CSMD1: variants seen among roughly 807,000 people sequenced by gnomAD.
The protein encoded by CSMD1 is CUB and sushi domain-containing protein 1.
Under a neutral mutation model 417.5 loss-of-function variants are expected in CSMD1, and 213 were observed. The ratio of observed to expected loss-of-function variants is 0.51; its 90% CI spans 0.46 to 0.57. The LOEUF (loss-of-function observed/expected upper bound fraction) is 0.57, where lower values mean the gene tolerates loss of function less well. Among genes scored for constraint, CSMD1 ranks in the 20% least tolerant of loss-of-function variants. The probability of loss-of-function intolerance (pLI) is 0.00; values close to 1 mark genes in which losing one functional copy is unlikely to be tolerated. For missense variants in CSMD1, 6,923 were observed against 4,529.7 expected (o/e 1.53, Z -15.17); for synonymous variants, 2,862 against 1,736.8 (o/e 1.65, Z -16.11).
chr8:3,594,875 C>T (rs1387558824), intron 8 of CSMD1, among the ~76,000 whole-genome samples: 1 of 152,112 alleles, frequency 6.6e-6, no homozygotes, highest in Non-Finnish European at 1.5e-5. Flanking sequence ...CTTCTGAGAG[C>T]CCTGCAATAA....
chr8:4,042,306 G>T (rs1039590831), intron 3 of CSMD1, among the ~76,000 whole-genome samples: 1 of 152,122 alleles, frequency 6.6e-6, no homozygotes, highest in Admixed American at 6.6e-5. Flanking sequence ...TAGGAGTAAT[G>T]TTCTGTGTAG....
intron 3 of CSMD1, among the ~76,000 whole-genome samples, chr8:4,062,348 G>C (rs17068827): frequency 0.15 from 22,441 of 151,910 alleles, 2,070 homozygotes; most frequent in African/African-American, 0.24. Flanking sequence ...AGTGGCAGAA[G>C]AATTTTCATT....
intron 1 of CSMD1, among the ~76,000 whole-genome samples, chr8:4,899,583 A>G (rs1246625036): frequency 6.6e-6 from 1 of 152,186 alleles, no homozygotes; most frequent in African/African-American, 2.4e-5. Flanking sequence ...ACTGAAAGTC[A>G]ATATTTTTTC....
In CSMD1 at chr8:4,994,472, G is replaced by T. The variant is rs552889986; in HGVS notation, c.-56C>A. The T allele has an allele frequency of 1.3e-6, 2 of 1,495,424 alleles. No individual in the cohort carries two copies. Among genetic ancestry groups the T allele is most frequent in the Non-Finnish European group, 1.8e-6 (2 of 1,084,406 alleles). 92.6% of individuals were successfully genotyped at this position (1,495,424 alleles called of 1,614,324 possible). On this transcript the variant is annotated 5_prime_UTR_variant, in exon 1 of 70. Transcript: ENST00000635120. ...CGATGGCTCCTCCGAGGAAGGCAGGGCTATGAGCGGAGCCAAATAATCACC... is the reference window on the plus strand; with the variant it reads ...CGATGGCTCCTCCGAGGAAGGCAGGTCTATGAGCGGAGCCAAATAATCACC...
At chr8:4,317,891 T>C (rs1166455771) in intron 3 of CSMD1, among the ~76,000 whole-genome samples, 1 of 152,188 alleles carries the variant, frequency 6.6e-6, no homozygotes, top group African/African-American at 2.4e-5. Context: ...GTTCTGTCTT[T>C]CAGATGTGTT....
chr8:4,872,852 C>A (rs1053844186), intron 1 of CSMD1, among the ~76,000 whole-genome samples: 3 of 152,062 alleles, frequency 2.0e-5, no homozygotes, highest in African/African-American at 7.3e-5. Context: ...TGAACACTTG[C>A]TGGATATTGG....
At position 4,453,577 on chromosome 8, in the gene CSMD1, G is replaced by T. The variant is rs142134110; in HGVS notation, c.303-33512C>A. ...TTGGGCCACATGACTGGCTTATATC[G>T]CTTGAACAATTGAACTGCTGTGAAT... On this transcript the variant is annotated intron_variant, in intron 2 of 69. Transcript: ENST00000635120. Among the ~76,000 whole-genome samples the T allele has an allele frequency of 1.6e-4, 25 of 152,152 alleles. No homozygotes were observed. In the East Asian group the frequency reaches 4.4e-3, roughly 27 times the overall value.
intron 1 of CSMD1, among the ~76,000 whole-genome samples, chr8:4,778,022 C>G (rs1257031094): frequency 6.6e-6 from 1 of 152,140 alleles, no homozygotes; most frequent in Non-Finnish European, 1.5e-5. Flanking sequence ...TATTCCCGTT[C>G]TAGATGGTAG....
At chr8:4,759,261 C>G (rs537856449) in intron 1 of CSMD1, among the ~76,000 whole-genome samples, 2 of 152,108 alleles carry the variant, frequency 1.3e-5, no homozygotes, top group African/African-American at 4.8e-5. Context: ...TGACTGCCCT[C>G]AGGAAGGATG....
chr8:4,817,114 T>C (rs1016056595), intron 1 of CSMD1, among the ~76,000 whole-genome samples: 4 of 152,028 alleles, frequency 2.6e-5, no homozygotes, highest in Non-Finnish European at 5.9e-5. Flanking sequence ...TGCCTCCATG[T>C]ATCTGTATAT....
chr8:4,637,224 G>T, intron 2 of CSMD1, 118 bp downstream of exon 2: 1 of 826,330 alleles, frequency 1.2e-6, no homozygotes, highest in Non-Finnish European at 1.9e-6. Context: ...GCGAGGCCAC[G>T]AACCCACCGG....
intron 3 of CSMD1, among the ~76,000 whole-genome samples, chr8:4,341,884 C>T (rs142333052): frequency 2.6e-5 from 4 of 152,072 alleles, no homozygotes; most frequent in Non-Finnish European, 5.9e-5. Flanking sequence ...ACCTTCCACA[C>T]CACTAACTTT....
At chr8:4,403,844 AT>A (rs1804826179) in intron 3 of CSMD1, among the ~76,000 whole-genome samples, 1 of 152,072 alleles carries the variant, frequency 6.6e-6, no homozygotes, top group Non-Finnish European at 1.5e-5. Context: ...TGGGTGTCTG[AT>A]TGGGAATTTA....
At chr8:4,981,042 CAAACA>C (rs1397757509) in intron 1 of CSMD1, among the ~76,000 whole-genome samples, 1 of 152,030 alleles carries the variant, frequency 6.6e-6, no homozygotes, top group African/African-American at 2.4e-5. Flanking sequence ...TAGAAGAAAC[CAAACA>C]AGATTCAAGC....
chr8:3,366,418 C>A (rs528039711), intron 20 of CSMD1, among the ~76,000 whole-genome samples: 2 of 152,146 alleles, frequency 1.3e-5, no homozygotes, highest in South Asian at 4.1e-4. Flanking sequence ...TAGAACTATA[C>A]AAATTAAACA....
intron 7 of CSMD1, among the ~76,000 whole-genome samples, chr8:3,707,109 C>A (rs903676357): frequency 4.6e-5 from 7 of 152,084 alleles, no homozygotes; most frequent in African/African-American, 1.4e-4. Flanking sequence ...GTCCTCTCAA[C>A]CTGCGCAGGA....
At chr8:3,633,027 T>G (rs1402275347) in intron 7 of CSMD1, among the ~76,000 whole-genome samples, 2 of 152,240 alleles carry the variant, frequency 1.3e-5, no homozygotes, top group Non-Finnish European at 2.9e-5. Context: ...AGTGTCCTAC[T>G]AACTGATACT....
intron 8 of CSMD1, among the ~76,000 whole-genome samples, chr8:3,609,696 G>C (rs933699675): frequency 4.8e-5 from 7 of 145,040 alleles, no homozygotes; most frequent in East Asian, 4.3e-4. Flanking sequence ...TTGGTTGTTA[G>C]TTTGGATTAC....
chr8:3,955,782 C>T (rs371298792), intron 5 of CSMD1, among the ~76,000 whole-genome samples: 1 of 152,186 alleles, frequency 6.6e-6, no homozygotes, highest in Non-Finnish European at 1.5e-5. Flanking sequence ...GAATTAATAT[C>T]CCTTAGAAAT....
Sources: allele counts gnomAD v4.1 joint callset (sites outside exome capture counted in the v4.1 genomes callset), GRCh38; gene constraint gnomAD v4.1.1; transcripts MANE v1.5; gene names NCBI Gene and HGNC (gene_info 2026-07-23, HGNC 2026-07-21).